The following C3orf22 variants were observed in gnomAD, a reference collection of about 807,000 sequenced individuals.
C3orf22 encodes the protein uncharacterized protein C3orf22.
A neutral mutation model predicts 10.8 loss-of-function variants in C3orf22; 7 were observed. That is an observed-to-expected ratio of 0.65 (90% CI 0.37 to 1.22). The LOEUF (loss-of-function observed/expected upper bound fraction) is 1.22. Among genes scored for constraint, C3orf22 ranks in the 50% most tolerant of loss-of-function variants. The pLI, the probability that C3orf22 is intolerant of heterozygous loss-of-function variation, is 0.02. For synonymous variants in C3orf22, 79 were observed against 78.9 expected, an observed-to-expected ratio of 1.00 and a Z score of 0.00; for missense variants, 173 against 177.0, an observed-to-expected ratio of 0.98 and a Z score of 0.13.
At chr3:126,528,592 A>G (rs1936582160) in intron 5 of C3orf22, among the ~76,000 whole-genome samples, 1 of 152,128 alleles carries the variant, frequency 6.6e-6, no homozygotes, top group African/African-American at 2.4e-5. Flanking sequence ...TAATTGTTCC[A>G]GGGAGAGCCC....
At chr3:126,553,978 G>T (rs1367868358) in intron 1 of C3orf22, among the ~76,000 whole-genome samples, 1 of 152,294 alleles carries the variant, frequency 6.6e-6, no homozygotes, top group East Asian at 1.9e-4. Flanking sequence ...ATTTCTCTGA[G>T]ATATATTGCT....
chr3:126,527,830 C>A (rs1200640353), exon 6 of C3orf22: 2 of 152,106 alleles, frequency 1.3e-5, no homozygotes, highest in African/African-American at 4.8e-5. Context: ...TGAGAAGAGG[C>A]AAGCTGGCAG....
At chr3:126,552,219 C>A in intron 2 of C3orf22, 97 bp from the exon 3 acceptor site, 1 of 1,549,138 alleles carries the variant, frequency 6.5e-7, no homozygotes, top group Non-Finnish European at 8.7e-7. Context: ...AGGCACTGTT[C>A]TAAGTGCTTC....
intron 4 of C3orf22, chr3:126,542,249 C>G (rs1178042033): frequency 6.5e-7 from 1 of 1,539,734 alleles, no homozygotes; most frequent in Non-Finnish European, 8.7e-7. Context: ...GGCCTACCTG[C>G]TGGACCCGCG....
chr3:126,529,158 G>T, exon 5 of C3orf22: 1 of 506,822 alleles, frequency 2.0e-6, no homozygotes, highest in Non-Finnish European at 3.5e-6. Context: ...GCCCTGCTTT[G>T]GCTGAGGTGG....
At chr3:126,548,625 G>T (rs1266440909), downstream of C3orf22, among the ~76,000 whole-genome samples, 1 of 152,218 alleles carries the variant, frequency 6.6e-6, no homozygotes, top group African/African-American at 2.4e-5. Context: ...TCTATCCCCA[G>T]GCAAATGCTG....
chr3:126,549,184 C>T (rs558221304), downstream of C3orf22, among the ~76,000 whole-genome samples: 5 of 152,246 alleles, frequency 3.3e-5, no homozygotes, highest in African/African-American at 4.8e-5. Context: ...GCCTCACTCT[C>T]GGTCCTGTCC....
intron 3 of C3orf22, among the ~76,000 whole-genome samples, chr3:126,551,368 G>C (rs536495390): frequency 1.3e-5 from 2 of 152,356 alleles, no homozygotes; most frequent in Admixed American, 1.3e-4. Context: ...GTGCCACACA[G>C]CTGTTCCCCG....
At chr3:126,539,238 G>C (rs1054183846) in intron 4 of C3orf22, among the ~76,000 whole-genome samples, 2 of 152,146 alleles carry the variant, frequency 1.3e-5, no homozygotes, top group Non-Finnish European at 2.9e-5. Context: ...CTGTGACTAT[G>C]TCTGAACGTA....
intron 4 of C3orf22, among the ~76,000 whole-genome samples, chr3:126,531,158 C>A (rs376619464): frequency 6.6e-6 from 1 of 152,268 alleles, no homozygotes; most frequent in Non-Finnish European, 1.5e-5. Flanking sequence ...GACCAGCAGC[C>A]GCAGCCTCAC....
chr3:126,541,830 C>T (rs374324912), intron 4 of C3orf22: 3 of 1,570,294 alleles, frequency 1.9e-6, no homozygotes, highest in South Asian at 1.2e-5. Context: ...CTGCTACAGC[C>T]GGAGGACCTG....
intron 4 of C3orf22, chr3:126,542,160 G>A (rs773063481): frequency 4.0e-6 from 6 of 1,514,746 alleles, no homozygotes; most frequent in Non-Finnish European, 5.3e-6. Flanking sequence ...TACGGTGCAC[G>A]CATCGTTCAG....
downstream of C3orf22, among the ~76,000 whole-genome samples, chr3:126,545,377 T>C (rs143274932): frequency 2.0e-4 from 31 of 152,388 alleles, no homozygotes; most frequent in Admixed American, 1.9e-3. Context: ...TAAGTGTAAG[T>C]GCTCTTTTGC....
chr3:126,547,446 C>T (rs1937087139), downstream of C3orf22, among the ~76,000 whole-genome samples: 1 of 152,236 alleles, frequency 6.6e-6, no homozygotes, highest in Non-Finnish European at 1.5e-5. Flanking sequence ...CACATCCCAG[C>T]TGCCCTCAGA....
At chr3:126,556,231 G>A (rs1241991587) in intron 1 of C3orf22, among the ~76,000 whole-genome samples, 1 of 152,166 alleles carries the variant, frequency 6.6e-6, no homozygotes, top group Non-Finnish European at 1.5e-5. Context: ...CGGCTGCAGA[G>A]ATGCACTAGG....
intron 4 of C3orf22, among the ~76,000 whole-genome samples, chr3:126,535,144 C>G (rs1936750118): frequency 6.9e-6 from 1 of 145,140 alleles, no homozygotes; most frequent in Non-Finnish European, 1.5e-5. Context: ...GACAGCATCC[C>G]TGTCCCCAGC....
rs1315881827 is a variant in C3orf22, at chr3:126,550,199, A to G, written c.216-121T>C. ...GGGCTCCAACTGAGATCTACTCCCAACCAGGCTTGACCTGGCCCCTTCCAC... is the reference window on the plus strand; with the variant it reads ...GGGCTCCAACTGAGATCTACTCCCAGCCAGGCTTGACCTGGCCCCTTCCAC... On this transcript the variant is annotated intron_variant, in intron 3 of 3. Transcript: ENST00000318225. The G allele has an allele frequency of 7.4e-6, 8 of 1,083,120 alleles. No individual in the cohort carries two copies. In the East Asian group the frequency reaches 1.8e-4, roughly 24 times the overall value. 67.1% of individuals were successfully genotyped at this position (1,083,120 alleles called of 1,614,324 possible). A position where few individuals can be genotyped will look rare whatever the true frequency, so the allele number is the denominator to read the frequency against.
chr3:126,535,074 TCCCTGTCCC>T, intron 4 of C3orf22, among the ~76,000 whole-genome samples: 2 of 133,464 alleles, frequency 1.5e-5, no homozygotes, highest in South Asian at 2.5e-4. Context: ...ACAGACAGCA[TCCCTGTCCC>T]CAGCCGGGAG....
intron 4 of C3orf22, among the ~76,000 whole-genome samples, chr3:126,543,873 G>A (rs1229088438): frequency 6.6e-6 from 1 of 152,172 alleles, no homozygotes; most frequent in African/African-American, 2.4e-5. Flanking sequence ...GTGGACCTGG[G>A]AAGGGGCTGC....
Sources: allele counts gnomAD v4.1 joint callset (sites outside exome capture counted in the v4.1 genomes callset), GRCh38; gene constraint gnomAD v4.1.1; transcripts MANE v1.5; gene names NCBI Gene and HGNC (gene_info 2026-07-23, HGNC 2026-07-21).